TSHZ2: variants seen among roughly 807,000 people sequenced by gnomAD.
TSHZ2 encodes teashirt zinc finger homeobox 2.
In TSHZ2, 21 loss-of-function variants were observed where a neutral mutation model predicts 74.4. The observed-to-expected ratio is 0.28, with a 90% CI of 0.20 to 0.41. The LOEUF is 0.41. Ranked by LOEUF, TSHZ2 falls within the 10% of genes least tolerant of loss-of-function variation. The probability of loss-of-function intolerance (pLI) is 1.00; values close to 1 mark genes in which losing one functional copy is unlikely to be tolerated. For synonymous variants in TSHZ2, 540 were observed against 515.3 expected (o/e 1.05, Z -0.65); for missense variants, 1,244 against 1,293.5 (o/e 0.96, Z 0.59).
chr20:53,436,542 A>ATTTTTTT (rs1227006046), intron 2 of TSHZ2, among the ~76,000 whole-genome samples: 11 of 98,894 alleles, frequency 1.1e-4, no homozygotes, highest in East Asian at 3.3e-4. Flanking sequence ...TATTATTATT[A>ATTTTTTT]TTATTATTTT....
rs148197651 is a variant in TSHZ2 at position 53,133,090 on chromosome 20, C to T, written c.41-120409C>T. Among the ~76,000 whole-genome samples, 823 of 152,150 alleles carry T rather than the reference C, an allele frequency of 5.4e-3. 7 individuals carry two copies. Among genetic ancestry groups the T allele is most frequent in the African/African-American group, 0.018 (751 of 41,520 alleles). On this transcript the variant is annotated intron_variant, in intron 1 of 2. Transcript: ENST00000371497. ...GCATTGCTTTCCTGACCTTCTTTTT[C>T]CCTCCAGGGTGGGAATGCAGCCCCT...
intron 2 of TSHZ2, among the ~76,000 whole-genome samples, chr20:53,326,925 G>T (rs559801274): frequency 6.6e-6 from 1 of 152,196 alleles, no homozygotes; most frequent in Non-Finnish European, 1.5e-5. Flanking sequence ...ATTAGGTCCC[G>T]TGATACATAA....
Position 53,255,466 on chromosome 20 carries a change from C to T in TSHZ2, c.2008C>T (p.Leu670=), listed in dbSNP as rs1309537765. ...CAGCGAGAAGGAGAAACCCCAGCCC[C>T]TGGAGCCCACATCTGCTCTGAGCAA... ...EGSEKEKPQP[L]EPTSALSNGC... Residue 670 remains leucine (L), a synonymous_variant, in exon 2 of 3, where the codon CTG becomes TTG. Coordinates refer to ENST00000371497, the MANE Select transcript of TSHZ2 (RefSeq NM_173485.6). The surrounding 1 kb of genome is among the most constrained non-coding windows in gnomAD (Gnocchi z 4.1). The T allele has an allele frequency of 6.2e-7, 1 of 1,609,266 alleles. No individual in the cohort carries two copies. Among genetic ancestry groups the T allele is most frequent in the Admixed American group, 1.7e-5 (1 of 59,714 alleles).
chr20:53,058,170 GC>G (rs1210031410), intron 1 of TSHZ2, among the ~76,000 whole-genome samples: 7 of 152,124 alleles, frequency 4.6e-5, no homozygotes, highest in Non-Finnish European at 2.9e-5. Context: ...CTCAGCTCGG[GC>G]CATAAGACTC....
intron 1 of TSHZ2, among the ~76,000 whole-genome samples, chr20:53,222,705 G>T (rs867957361): frequency 6.6e-6 from 1 of 152,314 alleles, no homozygotes; most frequent in Non-Finnish European, 1.5e-5. Flanking sequence ...AGTGAAGTTA[G>T]CCAAATGCCC....
intron 2 of TSHZ2, among the ~76,000 whole-genome samples, chr20:53,365,580 C>G (rs151067386): frequency 2.6e-5 from 4 of 152,310 alleles, no homozygotes; most frequent in Admixed American, 2.6e-4. Context: ...AGGTGACCAG[C>G]TAGATGCTGG....
At chr20:53,015,992 C>G (rs1044892390) in intron 1 of TSHZ2, among the ~76,000 whole-genome samples, 12 of 152,154 alleles carry the variant, frequency 7.9e-5, no homozygotes, top group Admixed American at 7.9e-4. Context: ...TAATCATGCC[C>G]TGCCTCTGAC....
chr20:53,248,071 T>G (rs1264190970), intron 1 of TSHZ2, among the ~76,000 whole-genome samples: 1 of 152,166 alleles, frequency 6.6e-6, no homozygotes, highest in Admixed American at 6.5e-5. Context: ...GTTTTCCTCC[T>G]TCTGTTGTTG....
intron 1 of TSHZ2, among the ~76,000 whole-genome samples, chr20:53,122,340 T>C (rs567562090): frequency 1.3e-4 from 20 of 151,306 alleles, no homozygotes; most frequent in Admixed American, 3.9e-4. Context: ...TCCTCTATCA[T>C]CAACAACCAT....
rs78146511 is a variant in TSHZ2 at position 53,346,259 on chromosome 20, C to A, written c.*8+89688C>A. Among the ~76,000 whole-genome samples, 71 of 152,280 alleles carry A rather than the reference C, an allele frequency of 4.7e-4. No individual in the cohort carries two copies. In the East Asian group the frequency reaches 9.2e-3, roughly 20 times the overall value. On this transcript the variant is annotated intron_variant, in intron 2 of 2. Coordinates refer to ENST00000371497, the MANE Select transcript of TSHZ2 (RefSeq NM_173485.6). ...TAATTTGATGCTAATTTAATCTGTT[C>A]CTCTCCCGCTGACATGACCTTTCTT...
At chr20:53,024,261 C>T (rs760445062) in intron 1 of TSHZ2, among the ~76,000 whole-genome samples, 2 of 151,840 alleles carry the variant, frequency 1.3e-5, no homozygotes, top group Non-Finnish European at 2.9e-5. Context: ...CAAAACTTGA[C>T]GTTTTCAGGG....
At chr20:53,278,961 A>G (rs906691147) in intron 2 of TSHZ2, among the ~76,000 whole-genome samples, 1 of 152,224 alleles carries the variant, frequency 6.6e-6, no homozygotes, top group Non-Finnish European at 1.5e-5. Context: ...CTTACCAACA[A>G]CATAAAGTCA....
At chr20:53,482,591 C>T (rs566651482) in intron 2 of TSHZ2, among the ~76,000 whole-genome samples, 17 of 152,174 alleles carry the variant, frequency 1.1e-4, no homozygotes, top group Non-Finnish European at 2.1e-4. Context: ...CTATATACAC[C>T]TACTATGTGC....
intron 2 of TSHZ2, among the ~76,000 whole-genome samples, chr20:53,381,122 T>C (rs1981842763): frequency 6.6e-6 from 1 of 152,186 alleles, no homozygotes; most frequent in Non-Finnish European, 1.5e-5. Context: ...CCACCTCAGA[T>C]TGATAATTAA....
chr20:53,394,708 C>T (rs1476199669), intron 2 of TSHZ2, among the ~76,000 whole-genome samples: 2 of 147,282 alleles, frequency 1.4e-5, no homozygotes, highest in South Asian at 4.3e-4. Flanking sequence ...CACATGTTCA[C>T]TTACCAGCCC....
At chr20:53,043,047 T>A (rs1263716359) in intron 1 of TSHZ2, among the ~76,000 whole-genome samples, 1 of 152,134 alleles carries the variant, frequency 6.6e-6, no homozygotes, top group Non-Finnish European at 1.5e-5. Context: ...GACAGGTAAA[T>A]AAGAAATATT....
At chr20:53,227,742 T>C (rs2123660467) in intron 1 of TSHZ2, among the ~76,000 whole-genome samples, 1 of 152,324 alleles carries the variant, frequency 6.6e-6, no homozygotes, top group South Asian at 2.1e-4. Context: ...CTTGCTTTCG[T>C]GGCTTGCTCT....
chr20:53,235,988 G>T (rs947584733), intron 1 of TSHZ2, among the ~76,000 whole-genome samples: 1 of 152,150 alleles, frequency 6.6e-6, no homozygotes, highest in African/African-American at 2.4e-5. Flanking sequence ...TTTCCAACAC[G>T]TTATTGTTTA....
Position 53,253,714 on chromosome 20 carries a change from A to C in TSHZ2, c.256A>C (p.Ser86Arg), listed in dbSNP as rs776532892. The C allele has an allele frequency of 4.3e-6, 7 of 1,614,196 alleles. No homozygotes were observed. The South Asian group carries it at 5.5e-5, about 13-fold the overall frequency. Residue 86 changes from serine (S) to arginine (R), a missense_variant, in exon 2 of 3, where the codon AGT becomes CGT. Ser to Arg is a moderately radical substitution (Grantham distance 110). This residue lies in a region of TSHZ2 where 470 missense variants were observed against 456.5 expected (regional missense o/e 1.03). Transcript: ENST00000371497. ...NQDAENESLL[S>R]DASDQVSDIK... ...GGATGCCGAGAACGAGTCTCTGCTG[A>C]GTGACGCCAGTGATCAGGTGTCGGA...
Sources: gnomAD v4.1 joint callset for allele counts (sites outside exome capture counted in the v4.1 genomes callset) on GRCh38, gnomAD v4.1.1 for gene constraint, gnomAD v4.1.1 regional missense constraint, Gnocchi (gnomAD v3.1) non-coding constraint, MANE v1.5 for transcripts, NCBI Gene and HGNC (gene_info 2026-07-23, HGNC 2026-07-21) for gene names.